MAD1L1: variants seen among roughly 807,000 people sequenced by gnomAD.
MAD1L1 encodes mitotic arrest deficient 1 like 1, also known as mitotic spindle assembly checkpoint protein MAD1.
A neutral mutation model predicts 96.9 loss-of-function variants in MAD1L1; 95 were observed. The ratio of observed to expected loss-of-function variants is 0.98; its 90% CI spans 0.83 to 1.16. MAD1L1 has a LOEUF of 1.16. Among genes scored for constraint, MAD1L1 ranks in the 50% most tolerant of loss-of-function variants. The probability of loss-of-function intolerance (pLI) is 0.00; values close to 1 mark genes in which losing one functional copy is unlikely to be tolerated. For synonymous variants in MAD1L1, 473 were observed against 396.6 expected (o/e 1.19, Z -2.29); for missense variants, 1,007 against 954.4 (o/e 1.06, Z -0.73).
intron 11 of MAD1L1, among the ~76,000 whole-genome samples, chr7:2,110,571 CAG>C (rs1371382578): frequency 6.6e-6 from 1 of 152,252 alleles, no homozygotes; most frequent in Non-Finnish European, 1.5e-5. Context: ...TGGAGTGACT[CAG>C]ACGTGCGGCA....
At chr7:1,898,548 G>A (rs1293097456) in intron 17 of MAD1L1, among the ~76,000 whole-genome samples, 158 bp from the exon 18 acceptor site, 1 of 152,178 alleles carries the variant, frequency 6.6e-6, no homozygotes, top group African/African-American at 2.4e-5. Flanking sequence ...GCCTCCATCG[G>A]CATGCATGAG....
chr7:1,872,709 C>G (rs1279021232), intron 18 of MAD1L1: 1 of 152,260 alleles, frequency 6.6e-6, no homozygotes, highest in Non-Finnish European at 1.5e-5. Flanking sequence ...GTGCCTCTCT[C>G]ATCTGCCCCC....
chr7:1,933,606 G>C (rs1270907915), intron 17 of MAD1L1, among the ~76,000 whole-genome samples: 1 of 152,204 alleles, frequency 6.6e-6, no homozygotes, highest in East Asian at 1.9e-4. Context: ...GCCTCTGGCT[G>C]AGCAAGTCTG....
chr7:2,084,366 T>C (rs1183461509), intron 11 of MAD1L1, among the ~76,000 whole-genome samples: 1 of 152,172 alleles, frequency 6.6e-6, no homozygotes, highest in African/African-American at 2.4e-5. Flanking sequence ...GGCCATGACC[T>C]TCACTTGCTG....
intron 15 of MAD1L1, among the ~76,000 whole-genome samples, chr7:1,974,100 C>T (rs1403965840): frequency 3.3e-5 from 5 of 152,218 alleles, no homozygotes; most frequent in African/African-American, 7.2e-5. Context: ...AGGTAAGGCA[C>T]GGACAGGGTG....
chr7:1,966,574 AAAC>A (rs1257538579), intron 15 of MAD1L1, among the ~76,000 whole-genome samples: 1,752 of 63,364 alleles, frequency 0.028, 89 homozygotes, highest in East Asian at 0.096. Flanking sequence ...AAAAAAAAAA[AAAC>A]AAAAAAAATC....
At chr7:1,975,627 T>G (rs1342931084) in intron 15 of MAD1L1, among the ~76,000 whole-genome samples, 2 of 152,132 alleles carry the variant, frequency 1.3e-5, no homozygotes, top group African/African-American at 2.4e-5. Context: ...AGATGATAAT[T>G]TCTACAAAAG....
chr7:1,894,644 C>T (rs754536545), intron 18 of MAD1L1, among the ~76,000 whole-genome samples: 1 of 152,096 alleles, frequency 6.6e-6, no homozygotes, highest in African/African-American at 2.4e-5. Flanking sequence ...ATCCAGCAGG[C>T]GATCCCTCCA....
chr7:1,898,320 G>A lies in MAD1L1; in HGVS notation c.1878C>T (p.Ile626=). The stretch of plus-strand genomic sequence containing the variant: ...TGTAGCAGGCCTTGCGGAACTCCTG[G>A]ATCTTGGTCTGGAAAACCTCCTTGA... ...QRLKEVFQTK[I]QEFRKACYTL... The change falls in exon 18 of 19, where the codon ATC becomes ATT. Residue 626 remains isoleucine (I), a synonymous_variant. Coordinates refer to ENST00000265854, the MANE Select transcript of MAD1L1 (RefSeq NM_001013836.2). The A allele has an allele frequency of 6.2e-7, 1 of 1,614,056 alleles. No individual in the cohort carries two copies. Among genetic ancestry groups the A allele is most frequent in the Non-Finnish European group, 8.5e-7 (1 of 1,179,996 alleles).
Position 1,883,831 on chromosome 7 carries a change from C to T in MAD1L1, c.1998+14369G>A, listed in dbSNP as rs533465628. 6.9e-4 allele frequency among the ~76,000 whole-genome samples: 105 copies of T among 152,324 alleles called. 2 individuals are homozygous for T. In the South Asian group the frequency reaches 0.021, roughly 30 times the overall value. On this transcript the variant is annotated intron_variant, in intron 18 of 18. Transcript: ENST00000265854. Reference sequence around the variant, plus strand: ...TCAAACCAGATGCCAACTCCCAGCTCCGAGTTCCAGGACTCGACCGGAGCA... The same window carrying T: ...TCAAACCAGATGCCAACTCCCAGCTTCGAGTTCCAGGACTCGACCGGAGCA...
chr7:2,208,634 G>A (rs976087317), intron 10 of MAD1L1, among the ~76,000 whole-genome samples: 37 of 152,200 alleles, frequency 2.4e-4, no homozygotes, highest in Middle Eastern at 3.4e-3. Flanking sequence ...TGTGCTGTTC[G>A]CCTACAGAGA....
At chr7:2,124,771 G>A (rs757468568) in intron 11 of MAD1L1, among the ~76,000 whole-genome samples, 3 of 152,184 alleles carry the variant, frequency 2.0e-5, no homozygotes, top group Non-Finnish European at 4.4e-5. Context: ...GGCGCTTGTG[G>A]GAGAAACTCT....
intron 5 of MAD1L1, 39 bp downstream of exon 5, chr7:2,222,536 C>CCCT: frequency 6.6e-7 from 1 of 1,507,788 alleles, no homozygotes; most frequent in Non-Finnish European, 8.9e-7. Flanking sequence ...TCCCTCTCCT[C>CCCT]GGGAAAACAG....
intron 10 of MAD1L1, among the ~76,000 whole-genome samples, chr7:2,211,563 G>A (rs752504171): frequency 2.0e-5 from 3 of 152,182 alleles, no homozygotes; most frequent in Non-Finnish European, 2.9e-5. Context: ...TTCTCATCTG[G>A]CCAGAGTATG....
intron 12 of MAD1L1, among the ~76,000 whole-genome samples, chr7:2,026,902 A>G (rs1288151523): frequency 1.3e-5 from 2 of 152,318 alleles, no homozygotes; most frequent in African/African-American, 4.8e-5. Context: ...GAAAGTAACA[A>G]ATTAATGAAA....
At chr7:1,873,879 C>G (rs1001815702) in intron 18 of MAD1L1, among the ~76,000 whole-genome samples, 2 of 152,156 alleles carry the variant, frequency 1.3e-5, no homozygotes, top group Non-Finnish European at 2.9e-5. Flanking sequence ...CGTGGCTGAA[C>G]GAGAATGGAT....
At chr7:1,930,847 C>A (rs1439957236) in intron 17 of MAD1L1, among the ~76,000 whole-genome samples, 1 of 152,128 alleles carries the variant, frequency 6.6e-6, no homozygotes, top group Admixed American at 6.5e-5. Context: ...GCCCTCACAA[C>A]TTACCCTGGT....
intron 15 of MAD1L1, among the ~76,000 whole-genome samples, chr7:1,963,463 A>G (rs1780032852): frequency 6.6e-6 from 1 of 152,222 alleles, no homozygotes; most frequent in Non-Finnish European, 1.5e-5. Flanking sequence ...AAACAAGAGC[A>G]CATGTCTGGG....
At chr7:1,816,340 G>A in intron 18 of MAD1L1, 112 bp from the exon 19 acceptor site, 9 of 1,073,392 alleles carry the variant, frequency 8.4e-6, no homozygotes, top group East Asian at 2.4e-5. Context: ...TCAGTCTGAG[G>A]ACCTGGACAG....
Sources: allele counts gnomAD v4.1 joint callset (sites outside exome capture counted in the v4.1 genomes callset), GRCh38; gene constraint gnomAD v4.1.1; transcripts MANE v1.5; gene names NCBI Gene and HGNC (gene_info 2026-07-23, HGNC 2026-07-21).